ASS1: variants seen among roughly 807,000 people sequenced by gnomAD.
ASS1 encodes argininosuccinate synthase 1, also known as argininosuccinate synthase.
A neutral mutation model predicts 60.5 loss-of-function variants in ASS1; 58 were observed. The observed-to-expected ratio is 0.96, with a 90% CI of 0.78 to 1.19. The LOEUF (loss-of-function observed/expected upper bound fraction) is 1.19, where lower values mean the gene tolerates loss of function less well. Among genes scored for constraint, ASS1 ranks in the 50% most tolerant of loss-of-function variants. The pLI is 0.00. For synonymous variants in ASS1, 200 were observed against 206.9 expected (o/e 0.97, Z 0.29); for missense variants, 454 against 547.3 (o/e 0.83, Z 1.70).
intron 6 of ASS1, among the ~76,000 whole-genome samples, chr9:130,469,411 CTT>C (rs1046980727): frequency 1.3e-5 from 2 of 149,218 alleles, no homozygotes; most frequent in Non-Finnish European, 3.0e-5. Context: ...TCTTTCTCTT[CTT>C]TTTTTTTTCT....
At chr9:130,473,167 C>A (rs1046630354) in intron 8 of ASS1, among the ~76,000 whole-genome samples, 4 of 152,172 alleles carry the variant, frequency 2.6e-5, no homozygotes, top group African/African-American at 7.2e-5. Context: ...AGACAGGAAA[C>A]CCGAGTCTAA....
At chr9:130,490,984 A>G (rs973975316) in intron 12 of ASS1, among the ~76,000 whole-genome samples, 3 of 152,138 alleles carry the variant, frequency 2.0e-5, no homozygotes, top group African/African-American at 4.8e-5. Flanking sequence ...CAAAGTTAGT[A>G]TTAGTTAATC....
intron 1 of ASS1, chr9:130,445,319 T>A: frequency 1.2e-6 from 1 of 837,350 alleles, no homozygotes; most frequent in African/African-American, 1.8e-5. Flanking sequence ...GGACTCCTTG[T>A]CGGATCCGGC....
At chr9:130,484,713 G>T (rs1846260613) in intron 11 of ASS1, among the ~76,000 whole-genome samples, 1 of 150,938 alleles carries the variant, frequency 6.6e-6, no homozygotes, top group Admixed American at 6.6e-5. Flanking sequence ...TCAGGTTTCT[G>T]TCACTGTTTT....
In ASS1 at chr9:130,488,830, C is replaced by T. The variant is rs182237483; in HGVS notation, c.839-503C>T. 1.4e-4 allele frequency among the ~76,000 whole-genome samples: 22 copies of T among 152,322 alleles called. No individual in the cohort carries two copies. Among genetic ancestry groups the T allele is most frequent in the African/African-American group, 4.8e-4 (20 of 41,584 alleles). ...CTAGGTGATTGCCCAAGCCCTCTGC[C>T]ACCCCAGTGGCCTCTGGAGAGACCT... On this transcript the variant is annotated intron_variant, in intron 11 of 14. Transcript: ENST00000352480. This position sits in a 1 kb window ranked among gnomAD's most constrained non-coding sequence, Gnocchi z 5.2.
rs551654868 is a variant in ASS1 at position 130,496,872 on chromosome 9, G to A, written c.1127+1849G>A. 3.3e-5 allele frequency among the ~76,000 whole-genome samples: 5 copies of A among 152,388 alleles called. No individual in the cohort carries two copies. The East Asian group carries it at 9.7e-4, about 29-fold the overall frequency. ...GACAGACAGCCCCCACTAGACGTGG[G>A]TCCCCTAAGGCCCAGCTTAGCTCAG... On this transcript the variant is annotated intron_variant, in intron 13 of 14. Transcript: ENST00000352480.
At chr9:130,462,722 C>G (rs1343903190) in intron 4 of ASS1, among the ~76,000 whole-genome samples, 4 of 152,182 alleles carry the variant, frequency 2.6e-5, no homozygotes, top group Non-Finnish European at 1.5e-5. Context: ...ACGGGGCCGG[C>G]TGGGGGTCAG....
Position 130,459,371 on chromosome 9 carries a change from C to T in ASS1, c.363+782C>T, listed in dbSNP as rs1361419485. On this transcript the variant is annotated intron_variant, in intron 4 of 14. Transcript: ENST00000352480. This position sits in a 1 kb window ranked among gnomAD's most constrained non-coding sequence, Gnocchi z 4.6. ...TTGTCTGTTTACCTTCCCCTTGCTA[C>T]AGGAACCCGTCTTGGATTAGGGCCC... Among the ~76,000 whole-genome samples, 1 of 152,042 alleles carries T rather than the reference C, an allele frequency of 6.6e-6. No individual in the cohort carries two copies. Among genetic ancestry groups the T allele is most frequent in the African/African-American group, 2.4e-5 (1 of 41,380 alleles).
At chr9:130,463,789 C>T (rs116039396) in intron 4 of ASS1, among the ~76,000 whole-genome samples, 8 of 152,142 alleles carry the variant, frequency 5.3e-5, no homozygotes, top group African/African-American at 1.2e-4. Flanking sequence ...GACTATAGTG[C>T]GAGCTCTGGG....
At chr9:130,464,939 C>T (rs1018774460) in intron 5 of ASS1, among the ~76,000 whole-genome samples, 16 of 151,408 alleles carry the variant, frequency 1.1e-4, no homozygotes, top group South Asian at 2.1e-4. Flanking sequence ...GTTTGAGGCA[C>T]ACTGCCGCTG....
At chr9:130,490,149 G>T (rs886927140) in intron 12 of ASS1, among the ~76,000 whole-genome samples, 2 of 152,186 alleles carry the variant, frequency 1.3e-5, no homozygotes, top group Non-Finnish European at 2.9e-5. Context: ...TGAGGAGCCC[G>T]GGTTTCCATG....
At chr9:130,456,240 C>G (rs1379669959) in intron 3 of ASS1, among the ~76,000 whole-genome samples, 1 of 152,150 alleles carries the variant, frequency 6.6e-6, no homozygotes, top group Non-Finnish European at 1.5e-5. Context: ...CTGAGGCAGG[C>G]AGATCACCTG....
At chr9:130,479,903 C>T (rs763366160) in intron 10 of ASS1, 103 bp downstream of exon 10, 9 of 1,300,116 alleles carry the variant, frequency 6.9e-6, no homozygotes, top group Middle Eastern at 1.8e-4. Flanking sequence ...CTCAGGGGTG[C>T]GGAGCACAGG....
Position 130,476,749 on chromosome 9 carries a change from G to A in ASS1, c.598-122G>A, listed in dbSNP as rs1564154325. ...AGGGCTGGGGACCGGGGGATCTGCCGGACCCCACCAGCTGGTGGGGAAATG... is the reference window on the plus strand; with the variant it reads ...AGGGCTGGGGACCGGGGGATCTGCCAGACCCCACCAGCTGGTGGGGAAATG... On this transcript the variant is annotated intron_variant, in intron 8 of 14. Transcript: ENST00000352480. The surrounding 1 kb of genome is among the most constrained non-coding windows in gnomAD (Gnocchi z 4.9). The A allele has an allele frequency of 1.1e-5, 10 of 948,514 alleles. No individual in the cohort carries two copies. Among genetic ancestry groups the A allele is most frequent in the East Asian group, 2.4e-5 (1 of 41,500 alleles). The allele number at this position is 948,514 out of a possible 1,614,324, so 58.8% of individuals were successfully genotyped here. A position where few individuals can be genotyped will look rare whatever the true frequency, so the allele number is the denominator to read the frequency against.
At chr9:130,454,792 A>G (rs1357061967) in intron 3 of ASS1, among the ~76,000 whole-genome samples, 1 of 142,732 alleles carries the variant, frequency 7.0e-6, no homozygotes, top group Non-Finnish European at 1.5e-5. Context: ...CCCATCATCC[A>G]TCCATCCATC....
chr9:130,461,095 A>G (rs1358663048), intron 4 of ASS1, among the ~76,000 whole-genome samples: 1 of 152,060 alleles, frequency 6.6e-6, no homozygotes, highest in East Asian at 1.9e-4. Flanking sequence ...CAGAAGGCAT[A>G]CAAGCCGAGG....
intron 4 of ASS1, among the ~76,000 whole-genome samples, chr9:130,460,662 G>A (rs1366564875): frequency 6.6e-6 from 1 of 152,220 alleles, no homozygotes; most frequent in Non-Finnish European, 1.5e-5. Flanking sequence ...AGCTATTGCT[G>A]TGGGGGAGGC....
At position 130,464,158 on chromosome 9, in the gene ASS1, C is replaced by G; in HGVS notation, c.411C>G (p.Pro137=). The G allele has an allele frequency of 2.5e-6, 4 of 1,614,184 alleles. No individual in the cohort carries two copies. Among genetic ancestry groups the G allele is most frequent in the Non-Finnish European group, 3.4e-6 (4 of 1,180,014 alleles). ...RFELSCYSLA[P]QIKVIAPWRM... ...AGCTCAGCTGCTACTCACTGGCCCC[C>G]CAGATAAAGGTAGGATGTGGCTCCT... Residue 137 remains proline (P), a synonymous_variant, in exon 5 of 15, where the codon CCC becomes CCG. Transcript: ENST00000352480.
intron 1 of ASS1, among the ~76,000 whole-genome samples, chr9:130,447,275 G>A (rs1845216993): frequency 6.6e-6 from 1 of 152,246 alleles, no homozygotes; most frequent in African/African-American, 2.4e-5. Context: ...GTTTGAAGCC[G>A]CTAGCTTGTG....
Sources: gnomAD v4.1 joint callset for allele counts (sites outside exome capture counted in the v4.1 genomes callset) on GRCh38, gnomAD v4.1.1 for gene constraint, Gnocchi (gnomAD v3.1) non-coding constraint, MANE v1.5 for transcripts, NCBI Gene and HGNC (gene_info 2026-07-23, HGNC 2026-07-21) for gene names.